Variants in DNAH17 observed in about 807,000 individuals in gnomAD.
DNAH17 encodes dynein axonemal heavy chain 17.
DNAH17 carries 376 observed loss-of-function variants against 485.6 expected under a neutral mutation model. The ratio of observed to expected loss-of-function variants is 0.77; its 90% CI spans 0.71 to 0.84. The LOEUF (loss-of-function observed/expected upper bound fraction) is 0.84. Ranked by LOEUF, DNAH17 falls within the 40% of genes least tolerant of loss-of-function variation. The probability of loss-of-function intolerance (pLI) is 0.00; values close to 1 mark genes in which losing one functional copy is unlikely to be tolerated. For missense variants in DNAH17, 6,370 were observed against 5,839.3 expected (o/e 1.09, Z -2.96); for synonymous variants, 3,031 against 2,405.9 (o/e 1.26, Z -7.60).
At chr17:78,571,505 G>T in intron 4 of DNAH17, 85 bp downstream of exon 4, 1 of 1,535,278 alleles carries the variant, frequency 6.5e-7, no homozygotes, top group East Asian at 2.3e-5. Flanking sequence ...GGACTCCTGG[G>T]AGGTTGGCAC....
chr17:78,519,234 A>G (rs1223283686), intron 25 of DNAH17, among the ~76,000 whole-genome samples: 1 of 151,528 alleles, frequency 6.6e-6, no homozygotes, highest in Non-Finnish European at 1.5e-5. Context: ...TGGGTCAAAG[A>G]GGAAGCCTCA....
At chr17:78,500,932 G>C (rs2090265597) in intron 35 of DNAH17, 2 of 373,896 alleles carry the variant, frequency 5.3e-6, no homozygotes, top group East Asian at 4.5e-5. Flanking sequence ...ACCAGAGTCT[G>C]CTCATGAGGG....
chr17:78,568,492 T>C (rs910340090), intron 9 of DNAH17, among the ~76,000 whole-genome samples: 1 of 152,154 alleles, frequency 6.6e-6, no homozygotes, highest in Non-Finnish European at 1.5e-5. Flanking sequence ...TTTTTAAAAA[T>C]TACACCATGC....
rs2086784357 is a variant in DNAH17 at position 78,434,113 on chromosome 17, G to A, written c.12141C>T (p.Gly4047=). 1 of 1,613,696 alleles carries A rather than the reference G, an allele frequency of 6.2e-7. No homozygotes were observed. The highest frequency in any genetic ancestry group is 2.2e-5 in the East Asian group (1 of 44,882). The change falls in exon 75 of 81, where the codon GGC becomes GGT. Residue 4047 remains glycine (G), a synonymous_variant. Transcript: ENST00000389840. Reference sequence around the variant, plus strand: ...TGTTGAAGGGGTACGACCGGTTCCAGCCCTGGGCGCCGAACTTGCGCCTCT... The same window carrying A: ...TGTTGAAGGGGTACGACCGGTTCCAACCCTGGGCGCCGAACTTGCGCCTCT... ...VAERRKFGAQ[G]WNRSYPFNNG... is the part of the protein sequence containing the mutation.
At chr17:78,543,287 G>GTATTTTTTTT (rs1200669389) in intron 17 of DNAH17, among the ~76,000 whole-genome samples, 2 of 139,272 alleles carry the variant, frequency 1.4e-5, no homozygotes, top group African/African-American at 5.4e-5. Flanking sequence ...GTTAATTTTT[G>GTATTTTTTTT]TTTTTTTTTT....
chr17:78,432,642 G>A (rs917899065), intron 75 of DNAH17, among the ~76,000 whole-genome samples: 3 of 152,236 alleles, frequency 2.0e-5, no homozygotes, highest in African/African-American at 4.8e-5. Flanking sequence ...GACATCAGAG[G>A]TCACCTCCTG....
At chr17:78,565,691 C>T (rs1012135673) in intron 11 of DNAH17, among the ~76,000 whole-genome samples, 2 of 152,172 alleles carry the variant, frequency 1.3e-5, no homozygotes, top group Admixed American at 1.3e-4. Flanking sequence ...TGGTAGCTCA[C>T]GCCTGTAATC....
At chr17:78,493,951 G>A (rs1229878410) in intron 41 of DNAH17, 85 bp downstream of exon 41, 17 of 1,493,900 alleles carry the variant, frequency 1.1e-5, no homozygotes, top group African/African-American at 2.8e-5. Context: ...CCGGGGTGGC[G>A]GGGAGTGATG....
intron 56 of DNAH17, among the ~76,000 whole-genome samples, chr17:78,464,067 C>G (rs1323067345): frequency 1.3e-5 from 2 of 152,088 alleles, no homozygotes; most frequent in Non-Finnish European, 2.9e-5. Context: ...AAAAGAGAAG[C>G]TAGTTTCAGG....
chr17:78,569,844 C>T (rs142014767), intron 7 of DNAH17, among the ~76,000 whole-genome samples: 36 of 152,316 alleles, frequency 2.4e-4, no homozygotes, highest in Middle Eastern at 3.4e-3. Flanking sequence ...AGAGGTGGCC[C>T]AGGGATACAG....
intron 26 of DNAH17, 22 bp downstream of exon 26, chr17:78,514,752 C>T (rs752648902): frequency 1.9e-5 from 30 of 1,609,778 alleles, no homozygotes; most frequent in South Asian, 6.6e-5. Flanking sequence ...CGGTCCCCTC[C>T]GCCCACCATG....
intron 33 of DNAH17, 82 bp downstream of exon 33, chr17:78,502,509 G>C: frequency 2.3e-6 from 3 of 1,331,336 alleles, no homozygotes; most frequent in Non-Finnish European, 3.0e-6. Flanking sequence ...CGCCCGGCAG[G>C]TTTCAGAAGG....
chr17:78,557,575 G>A (rs776689911), intron 14 of DNAH17, among the ~76,000 whole-genome samples: 3 of 140,608 alleles, frequency 2.1e-5, no homozygotes, highest in African/African-American at 5.3e-5. Context: ...GGAGGCAGAG[G>A]TTACAGTGAG....
In DNAH17 at chr17:78,428,064, CTCT is replaced by C. The variant is rs113157108; in HGVS notation, c.12588+458_12588+460del. ...GTTCAGAACACTGGCATCCCCTGAA[CTCT>C]TCTAATCCTTTGAGCAGTAACAGGA... On this transcript the variant is annotated intron_variant, in intron 77 of 80. Transcript: ENST00000389840. Among the ~76,000 whole-genome samples the C allele has an allele frequency of 9.0e-3, 1,350 of 150,566 alleles. 17 individuals are homozygous for C. The highest frequency in any genetic ancestry group is 0.032 in the African/African-American group (1,289 of 40,918).
intron 54 of DNAH17, among the ~76,000 whole-genome samples, chr17:78,472,938 A>G (rs937550035): frequency 6.6e-6 from 1 of 152,140 alleles, no homozygotes; most frequent in Non-Finnish European, 1.5e-5. Context: ...ATCTTGATGT[A>G]GTCTCGTTTT....
chr17:78,504,127 G>A (rs547978368), intron 31 of DNAH17, among the ~76,000 whole-genome samples: 7 of 151,526 alleles, frequency 4.6e-5, no homozygotes, highest in African/African-American at 9.7e-5. Context: ...GTGTAGTGGC[G>A]TGATCTCGGC....
intron 49 of DNAH17, among the ~76,000 whole-genome samples, 199 bp downstream of exon 49, chr17:78,480,485 G>A (rs932706562): frequency 1.3e-5 from 2 of 152,150 alleles, no homozygotes; most frequent in African/African-American, 4.8e-5. Context: ...CCAGTTGACC[G>A]GGTCACAGGG....
In DNAH17 at chr17:78,433,127, G is replaced by A. The variant is rs750811213; in HGVS notation, c.12225+902C>T. Among the ~76,000 whole-genome samples, 4 of 152,190 alleles carry A rather than the reference G, an allele frequency of 2.6e-5. No homozygotes were observed. In the East Asian group the frequency reaches 7.7e-4, roughly 29 times the overall value. Reference sequence around the variant, plus strand: ...ATTTGGAGGCCGAGAGTGAGGAGGAGGACCCAGGGTTTATAGGGGTGTGCA... The same window carrying A: ...ATTTGGAGGCCGAGAGTGAGGAGGAAGACCCAGGGTTTATAGGGGTGTGCA... On this transcript the variant is annotated intron_variant, in intron 75 of 80. Coordinates refer to ENST00000389840, the MANE Select transcript of DNAH17 (RefSeq NM_173628.4).
At chr17:78,503,359 GTA>G (rs2090371248) in intron 31 of DNAH17, among the ~76,000 whole-genome samples, 4 of 59,860 alleles carry the variant, frequency 6.7e-5, no homozygotes, top group African/African-American at 2.2e-4. Flanking sequence ...TTTTTTTTTT[GTA>G]TTTTTACTAG....
Sources: allele counts gnomAD v4.1 joint callset (sites outside exome capture counted in the v4.1 genomes callset), GRCh38; gene constraint gnomAD v4.1.1; transcripts MANE v1.5; gene names NCBI Gene and HGNC (gene_info 2026-07-23, HGNC 2026-07-21).